The following NAT2 variants were observed in gnomAD, a reference collection of about 807,000 sequenced individuals.
NAT2 encodes the protein N-acetyltransferase 2, also known as arylamine N-acetyltransferase 2.
For synonymous variants in NAT2, 137 were observed against 125.9 expected (o/e 1.09, Z -0.59); for missense variants, 428 against 339.1 (o/e 1.26, Z -2.06).
chr8:18,391,761 T>G (rs1409554684), intron 1 of NAT2, among the ~76,000 whole-genome samples: 3 of 152,192 alleles, frequency 2.0e-5, no homozygotes, highest in Non-Finnish European at 4.4e-5. Context: ...ATGGGGAAAT[T>G]TGCTGGTTTC....
upstream of NAT2, among the ~76,000 whole-genome samples, chr8:18,389,020 G>C (rs7838053): frequency 2.5e-3 from 379 of 152,278 alleles, 2 homozygotes; most frequent in African/African-American, 8.4e-3. Flanking sequence ...TTGGACACCA[G>C]GATCCTTGAC....
Position 18,400,194 on chromosome 8 carries a change from G to C in NAT2, c.191G>C (p.Arg64Pro). 1.2e-6 allele frequency: 2 copies of C among 1,613,192 alleles called. No individual in the cohort carries two copies. Among genetic ancestry groups the C allele is most frequent in the Non-Finnish European group, 1.7e-6 (2 of 1,179,416 alleles). Reference protein sequence around the residue: ...AIFDHIVRRNRGGWCLQVNQL... With the variant: ...AIFDHIVRRNPGGWCLQVNQL... The stretch of plus-strand genomic sequence containing the variant: ...TTTGATCACATTGTAAGAAGAAACC[G>C]GGGTGGGTGGTGTCTCCAGGTCAAT... The change falls in exon 2 of 2, where the codon CGG becomes CCG. Residue 64 changes from arginine (R) to proline (P), a missense_variant. Physicochemically the swap from Arg to Pro is moderately radical, Grantham distance 103. Transcript: ENST00000286479.
chr8:18,400,544 C>T lies in NAT2; in HGVS notation c.541C>T (p.Leu181=). 2 of 1,612,454 alleles carry T rather than the reference C, an allele frequency of 1.2e-6. No homozygotes were observed. The highest frequency in any genetic ancestry group is 1.7e-5 in the Admixed American group (1 of 59,680). ...TNKEFLNSHL[L]PKKKHQKIYL... ...CAAAGAATTTCTTAATTCTCATCTC[C>T]TGCCAAAGAAGAAACACCAAAAAAT... Residue 181 remains leucine (L), a synonymous_variant, in exon 2 of 2, where the codon CTG becomes TTG. Coordinates refer to ENST00000286479, the MANE Select transcript of NAT2 (RefSeq NM_000015.3).
chr8:18,390,730 AGC>A (rs1374266871), upstream of NAT2, among the ~76,000 whole-genome samples: 20 of 152,158 alleles, frequency 1.3e-4, no homozygotes, highest in Non-Finnish European at 1.0e-4. Context: ...ATGTCAAAAA[AGC>A]AGAAACAAAG....
chr8:18,400,551 A>G lies in NAT2; in HGVS notation c.548A>G (p.Lys183Arg). 6.2e-7 allele frequency: 1 copy of G among 1,612,462 alleles called. No individual in the cohort carries two copies. Among genetic ancestry groups the G allele is most frequent in the East Asian group, 2.2e-5 (1 of 44,862 alleles). The change falls in exon 2 of 2, where the codon AAG (lysine) becomes AGG (arginine). Residue 183 changes from lysine to arginine, a missense_variant. By Grantham distance (26) the Lys-to-Arg change is conservative (BLOSUM62 2). Coordinates refer to ENST00000286479, the MANE Select transcript of NAT2 (RefSeq NM_000015.3). Reference protein sequence around the residue: ...KEFLNSHLLPKKKHQKIYLFT... With the variant: ...KEFLNSHLLPRKKHQKIYLFT... ...TTTCTTAATTCTCATCTCCTGCCAA[A>G]GAAGAAACACCAAAAAATATACTTA...
chr8:18,397,567 T>C (rs2038531598), intron 1 of NAT2, among the ~76,000 whole-genome samples: 1 of 152,176 alleles, frequency 6.6e-6, no homozygotes, highest in Non-Finnish European at 1.5e-5. Context: ...GTGGTTATGT[T>C]GGCTTTAATT....
At chr8:18,391,172 G>C (rs775055695), upstream of NAT2, 15 of 152,112 alleles carry the variant, frequency 9.9e-5, no homozygotes, top group Non-Finnish European at 1.8e-4. Flanking sequence ...CTGAGGCCCT[G>C]CAACTACATT....
chr8:18,386,961 T>G (rs544695691), upstream of NAT2: 4 of 151,836 alleles, frequency 2.6e-5, no homozygotes, highest in Non-Finnish European at 5.9e-5. Context: ...TCCACGGAGG[T>G]TGAGTGAGGA....
chr8:18,397,183 T>C (rs1800706737), intron 1 of NAT2, among the ~76,000 whole-genome samples: 1 of 152,106 alleles, frequency 6.6e-6, no homozygotes, highest in Admixed American at 6.5e-5. Context: ...TAATATATAA[T>C]TCTGTTTATA....
At chr8:18,396,338 T>A (rs1211884765) in intron 1 of NAT2, among the ~76,000 whole-genome samples, 1 of 152,174 alleles carries the variant, frequency 6.6e-6, no homozygotes, top group Non-Finnish European at 1.5e-5. Flanking sequence ...TATATAGAAT[T>A]CCTTTTACAA....
chr8:18,393,941 G>C (rs1362138428), intron 1 of NAT2, among the ~76,000 whole-genome samples: 1 of 152,196 alleles, frequency 6.6e-6, no homozygotes, highest in African/African-American at 2.4e-5. Flanking sequence ...GAAAGACATA[G>C]TTTCATGCAC....
chr8:18,394,104 ACAGT>A (rs1800641624), intron 1 of NAT2, among the ~76,000 whole-genome samples: 4 of 152,184 alleles, frequency 2.6e-5, no homozygotes, highest in Admixed American at 6.5e-5. Flanking sequence ...AAAGAAAAGT[ACAGT>A]CAAAGGGGGG....
At chr8:18,396,680 C>G (rs142738417) in intron 1 of NAT2, among the ~76,000 whole-genome samples, 2 of 152,242 alleles carry the variant, frequency 1.3e-5, no homozygotes, top group South Asian at 2.1e-4. Context: ...AGGCATGAAC[C>G]AATGCACCCA....
At position 18,392,079 on chromosome 8, in the gene NAT2, G is replaced by A. The variant is rs76311476; in HGVS notation, c.-7+734G>A. Among the ~76,000 whole-genome samples the A allele has an allele frequency of 4.2e-3, 634 of 152,310 alleles. 1 individual carries two copies. The highest frequency in any genetic ancestry group is 0.028 in the East Asian group (144 of 5,182). On this transcript the variant is annotated intron_variant, in intron 1 of 1. Coordinates refer to ENST00000286479, the MANE Select transcript of NAT2 (RefSeq NM_000015.3). ...GAGCCAATGTATACCTTATGTGGGGGCCATAGGCTGTTGGCCCCCTAAAGC... is the reference window on the plus strand; with the variant it reads ...GAGCCAATGTATACCTTATGTGGGGACCATAGGCTGTTGGCCCCCTAAAGC...
At chr8:18,390,003 A>G (rs1348499432), upstream of NAT2, among the ~76,000 whole-genome samples, 1 of 152,236 alleles carries the variant, frequency 6.6e-6, no homozygotes, top group Middle Eastern at 3.2e-3. Flanking sequence ...GCTGCCTGCA[A>G]AGAAAGGGAG....
upstream of NAT2, among the ~76,000 whole-genome samples, chr8:18,389,277 C>T (rs1800556296): frequency 6.6e-6 from 1 of 152,184 alleles, no homozygotes; most frequent in South Asian, 2.1e-4. Context: ...TGGTCCAGAT[C>T]ACAGTCCTAC....
At chr8:18,387,006 G>C (rs1343282990), upstream of NAT2, 2 of 152,326 alleles carry the variant, frequency 1.3e-5, no homozygotes, top group African/African-American at 4.8e-5. Context: ...GGGGCTCCTC[G>C]AGACTCGCGG....
chr8:18,400,143 C>T lies in NAT2; in HGVS notation c.140C>T (p.Ala47Val), dbSNP rs1463045225. The stretch of plus-strand genomic sequence containing the variant: ...AACCTTAACATGCATTGTGGGCAAG[C>T]CATGGAGTTGGGCTTAGAGGCTATT... The part of the protein sequence containing the change: ...FENLNMHCGQ[A>V]MELGLEAIFD... Residue 47 changes from alanine to valine, a missense_variant, in exon 2 of 2, where the codon GCC becomes GTC. Coordinates refer to ENST00000286479, the MANE Select transcript of NAT2 (RefSeq NM_000015.3). 6 of 1,613,984 alleles carry T rather than the reference C, an allele frequency of 3.7e-6. No homozygotes were observed. The South Asian group carries it at 6.6e-5, about 18-fold the overall frequency.
At position 18,400,131 on chromosome 8, in the gene NAT2, A is replaced by C. The variant is rs1175197943; in HGVS notation, c.128A>C (p.His43Pro). ...RAVPFENLNM[H>P]CGQAMELGLE... is the part of the protein sequence containing the mutation. The stretch of plus-strand genomic sequence containing the variant: ...GTTCCCTTTGAGAACCTTAACATGC[A>C]TTGTGGGCAAGCCATGGAGTTGGGC... Residue 43 changes from histidine (H) to proline (P), a missense_variant, in exon 2 of 2, where the codon CAT becomes CCT. Coordinates refer to ENST00000286479, the MANE Select transcript of NAT2 (RefSeq NM_000015.3). The C allele has an allele frequency of 1.2e-6, 2 of 1,614,038 alleles. No individual in the cohort carries two copies. Among genetic ancestry groups the C allele is most frequent in the Non-Finnish European group, 1.7e-6 (2 of 1,179,946 alleles).
Sources: gnomAD v4.1 joint callset for allele counts (sites outside exome capture counted in the v4.1 genomes callset) on GRCh38, gnomAD v4.1.1 for gene constraint, MANE v1.5 for transcripts, NCBI Gene and HGNC (gene_info 2026-07-23, HGNC 2026-07-21) for gene names.